Variants in PBK observed in about 807,000 individuals in gnomAD.
The protein encoded by PBK is lymphokine-activated killer T-cell-originated protein kinase.
In PBK, 22 loss-of-function variants were observed where a neutral mutation model predicts 33.5. The ratio of observed to expected loss-of-function variants is 0.66; its 90% confidence interval spans 0.47 to 0.94. The LOEUF is 0.94. PBK is among the 40% of genes least tolerant of loss of function. The pLI is 0.00. For missense variants in PBK, 376 were observed against 383.4 expected (o/e 0.98, Z 0.16); for synonymous variants, 129 against 123.8 (o/e 1.04, Z -0.28).
chr8:27,815,846 C>T (rs1472876209), intron 6 of PBK, among the ~76,000 whole-genome samples: 1 of 152,180 alleles, frequency 6.6e-6, no homozygotes, highest in Non-Finnish European at 1.5e-5. Context: ...CCCCCTGCCA[C>T]CTATGTTAGT....
At chr8:27,810,641 T>G in intron 7 of PBK, 140 bp from the exon 8 acceptor site, 1 of 611,302 alleles carries the variant, frequency 1.6e-6, no homozygotes, top group Non-Finnish European at 2.9e-6. Flanking sequence ...GGAAATGTCT[T>G]CAATTGTCCT....
chr8:27,820,824 ATT>A (rs71553893), intron 5 of PBK, 130 bp from the exon 6 acceptor site: 1,500 of 382,370 alleles, frequency 3.9e-3, no homozygotes, highest in Non-Finnish European at 4.6e-3. Context: ...GCGTTTCAAA[ATT>A]TTTTTTTTTT....
intron 1 of PBK, among the ~76,000 whole-genome samples, chr8:27,836,979 T>G (rs1303575413): frequency 1.3e-5 from 2 of 152,216 alleles, no homozygotes; most frequent in Non-Finnish European, 2.9e-5. Flanking sequence ...TGCTTCAGAT[T>G]ATGTTATGTA....
Position 27,810,124 on chromosome 8 carries a change from T to C in PBK, c.*181A>G, listed in dbSNP as rs1585418048. ...AACTTTACAGAAAACCCAGTACAAT[T>C]CCAAGTGCTTATAGCCAATATAAGC... On this transcript the variant is annotated 3_prime_UTR_variant, in exon 8 of 8. Coordinates refer to ENST00000301905, the MANE Select transcript of PBK (RefSeq NM_018492.4). 7 of 567,850 alleles carry C rather than the reference T, an allele frequency of 1.2e-5. 1 individual carries two copies. In the South Asian group the frequency reaches 1.6e-4, roughly 13 times the overall value. The allele number at this position is 567,850 out of a possible 1,614,324, so 35.2% of individuals were successfully genotyped here.
At chr8:27,817,852 G>A (rs67835152) in intron 6 of PBK, among the ~76,000 whole-genome samples, 23,936 of 152,084 alleles carry the variant, frequency 0.16, 2,389 homozygotes, top group East Asian at 0.37. Flanking sequence ...TTCTAGAGCA[G>A]TATTGTTCAA....
chr8:27,813,269 A>G (rs58235899), intron 6 of PBK, among the ~76,000 whole-genome samples: 23,922 of 152,064 alleles, frequency 0.16, 2,390 homozygotes, highest in East Asian at 0.37. Flanking sequence ...ACTGAACAAT[A>G]AGAACACTTG....
intron 2 of PBK, among the ~76,000 whole-genome samples, chr8:27,830,480 G>A (rs1017531920): frequency 7.9e-5 from 12 of 152,072 alleles, no homozygotes; most frequent in Non-Finnish European, 1.5e-4. Flanking sequence ...ATGAGCTATG[G>A]GACAATAGCA....
chr8:27,811,149 A>G lies in PBK; in HGVS notation c.596-15T>C. 6.2e-7 allele frequency: 1 copy of G among 1,613,234 alleles called. No homozygotes were observed. Among genetic ancestry groups the G allele is most frequent in the Middle Eastern group, 1.7e-4 (1 of 6,060 alleles). Reference sequence around the variant, plus strand: ...AGGGTCAGTCACTGAAACAAGCAAGATGGTTATGAAGGCAGGAGCTACAAA... The same window carrying G: ...AGGGTCAGTCACTGAAACAAGCAAGGTGGTTATGAAGGCAGGAGCTACAAA... On this transcript the variant is annotated splice_polypyrimidine_tract_variant and intron_variant, in intron 6 of 7. Coordinates refer to ENST00000301905, the MANE Select transcript of PBK (RefSeq NM_018492.4).
chr8:27,822,939 T>C, intron 4 of PBK, 124 bp downstream of exon 4: 1 of 620,036 alleles, frequency 1.6e-6, no homozygotes, highest in South Asian at 2.2e-5. Flanking sequence ...ATTAATTTGA[T>C]ACCCATTAAA....
intron 6 of PBK, chr8:27,811,891 T>G (rs1246305752): frequency 5.3e-5 from 8 of 152,256 alleles, no homozygotes; most frequent in Non-Finnish European, 8.8e-5. Context: ...TTTTGGGTTT[T>G]GGTACTTGTA....
intron 2 of PBK, among the ~76,000 whole-genome samples, chr8:27,828,744 C>CAAAAAAAAAA (rs34388320): frequency 6.1e-5 from 5 of 82,602 alleles, no homozygotes; most frequent in African/African-American, 9.5e-5. Flanking sequence ...GACACAGTCT[C>CAAAAAAAAAA]AAAAAAAAAA....
chr8:27,823,151 T>C lies in PBK; in HGVS notation c.207A>G (p.Ile69Met), dbSNP rs1239453948. The change falls in exon 4 of 8, where the codon ATA becomes ATG. Residue 69 changes from isoleucine (I) to methionine (M), a missense_variant. Physicochemically the swap from Ile to Met is conservative, Grantham distance 10. Transcript: ENST00000301905. ...SPWAVKKINP[I>M]CNDHYRSVYQ... Reference sequence around the variant, plus strand: ...ACACACTTCGATAATGATCATTACATATAGGATTAATCTTTTTTACAGCCC... The same window carrying C: ...ACACACTTCGATAATGATCATTACACATAGGATTAATCTTTTTTACAGCCC... The C allele has an allele frequency of 1.3e-6, 2 of 1,552,670 alleles. No individual in the cohort carries two copies. The highest frequency in any genetic ancestry group is 1.8e-6 in the Non-Finnish European group (2 of 1,126,644).
rs142240401 is a variant in PBK at position 27,836,644 on chromosome 8, G to T, written c.-21+1008C>A. 4.7e-3 allele frequency among the ~76,000 whole-genome samples: 719 copies of T among 152,196 alleles called. 7 individuals carry two copies. Among genetic ancestry groups the T allele is most frequent in the African/African-American group, 0.017 (691 of 41,536 alleles). On this transcript the variant is annotated intron_variant, in intron 1 of 7. Coordinates refer to ENST00000301905, the MANE Select transcript of PBK (RefSeq NM_018492.4). ...AGTAGGATGCAGAAAACCCTGGCGCGTAGAGTGTCCTGGAAATCTTATGAT... is the reference window on the plus strand; with the variant it reads ...AGTAGGATGCAGAAAACCCTGGCGCTTAGAGTGTCCTGGAAATCTTATGAT...
At position 27,810,188 on chromosome 8, in the gene PBK, G is replaced by T; in HGVS notation, c.*117C>A. 1 of 688,380 alleles carries T rather than the reference G, an allele frequency of 1.5e-6. No individual in the cohort carries two copies. The highest frequency in any genetic ancestry group is 1.7e-5 in the South Asian group (1 of 57,948). The allele number at this position is 688,380 out of a possible 1,614,324, so 42.6% of individuals were successfully genotyped here. A position where few individuals can be genotyped will look rare whatever the true frequency, so the allele number is the denominator to read the frequency against. On this transcript the variant is annotated 3_prime_UTR_variant, in exon 8 of 8. Transcript: ENST00000301905. ...GAAATAGTTATCCATATGTTAACAA[G>T]AAACTATGGTCCTCAAATATGCCAA...
Position 27,810,036 on chromosome 8 carries a change from T to C in PBK, c.*269A>G. 2.5e-6 allele frequency: 1 copy of C among 398,024 alleles called. No homozygotes were observed. The highest frequency in any genetic ancestry group is 4.5e-6 in the Non-Finnish European group (1 of 223,286). 24.7% of individuals were successfully genotyped at this position (398,024 alleles called of 1,614,324 possible). A position where few individuals can be genotyped will look rare whatever the true frequency, so the allele number is the denominator to read the frequency against. On this transcript the variant is annotated 3_prime_UTR_variant, in exon 8 of 8. Coordinates refer to ENST00000301905, the MANE Select transcript of PBK (RefSeq NM_018492.4). Reference sequence around the variant, plus strand: ...AATTTAATGTTACAGTTTACAGCGTTTTACTGCTAGTGTTTTAAGTCAGCA... The same window carrying C: ...AATTTAATGTTACAGTTTACAGCGTCTTACTGCTAGTGTTTTAAGTCAGCA...
At chr8:27,813,412 G>GT (rs1445107392) in intron 6 of PBK, among the ~76,000 whole-genome samples, 1 of 152,092 alleles carries the variant, frequency 6.6e-6, no homozygotes, top group Admixed American at 6.5e-5. Flanking sequence ...GTATACCTAT[G>GT]TAACAAACCT....
chr8:27,829,351 G>C (rs576409823), intron 2 of PBK, among the ~76,000 whole-genome samples: 1 of 152,192 alleles, frequency 6.6e-6, no homozygotes, highest in Admixed American at 6.5e-5. Flanking sequence ...AGATAGTACA[G>C]CTAAAGTTTA....
chr8:27,823,983 T>C (rs2128963912), intron 3 of PBK, among the ~76,000 whole-genome samples: 1 of 152,050 alleles, frequency 6.6e-6, no homozygotes, highest in East Asian at 1.9e-4. Context: ...AGTTTAATGG[T>C]AAGAACACAA....
chr8:27,826,326 C>A (rs1806023190), intron 3 of PBK, among the ~76,000 whole-genome samples: 1 of 152,152 alleles, frequency 6.6e-6, no homozygotes, highest in Non-Finnish European at 1.5e-5. Flanking sequence ...ATCTTCTGTG[C>A]ACCGATTCAT....
Sources: gnomAD v4.1 joint callset for allele counts (sites outside exome capture counted in the v4.1 genomes callset) on GRCh38, gnomAD v4.1.1 for gene constraint, MANE v1.5 for transcripts, NCBI Gene and HGNC (gene_info 2026-07-23, HGNC 2026-07-21) for gene names.